NALF1: variants seen among roughly 807,000 people sequenced by gnomAD.
The protein encoded by NALF1 is family with sequence similarity 155 member A.
Under a neutral mutation model 48.4 loss-of-function variants are expected in NALF1, and 3 were observed. The ratio of observed to expected loss-of-function variants is 0.06; its 90% CI spans 0.03 to 0.16. The LOEUF is 0.16. NALF1 is among the 10% of genes least tolerant of loss of function. The pLI is 1.00. For missense variants in NALF1, 526 were observed against 571.5 expected, an observed-to-expected ratio of 0.92 and a Z score of 0.81; for synonymous variants, 262 against 245.7, an observed-to-expected ratio of 1.07 and a Z score of -0.62.
intron 1 of NALF1, among the ~76,000 whole-genome samples, chr13:107,266,812 G>C (rs1003550573): frequency 2.0e-5 from 3 of 152,174 alleles, no homozygotes; most frequent in Non-Finnish European, 4.4e-5. Flanking sequence ...CAATAATACT[G>C]CAAAGTTTTC....
intron 1 of NALF1, among the ~76,000 whole-genome samples, chr13:107,241,888 C>G (rs918569003): frequency 5.3e-5 from 8 of 152,146 alleles, no homozygotes; most frequent in Non-Finnish European, 1.0e-4. Flanking sequence ...AGTCCCCTTC[C>G]TCCTGGAAGA....
Position 107,322,748 on chromosome 13 carries a change from C to G in NALF1, c.916-111993G>C, listed in dbSNP as rs144704775. ...CATAACCATCCTTTGTCCACTCTTT[C>G]AAGTCCACAATTCTGTAAGGAAGGA... On this transcript the variant is annotated intron_variant, in intron 1 of 2. Coordinates refer to ENST00000375915, the MANE Select transcript of NALF1 (RefSeq NM_001080396.3). Among the ~76,000 whole-genome samples, 53 of 152,260 alleles carry G rather than the reference C, an allele frequency of 3.5e-4. 1 individual carries two copies. Among genetic ancestry groups the G allele is most frequent in the African/African-American group, 1.3e-3 (53 of 41,556 alleles).
intron 1 of NALF1, among the ~76,000 whole-genome samples, chr13:107,708,499 A>C (rs531044290): frequency 7.1e-6 from 1 of 140,208 alleles, no homozygotes; most frequent in East Asian, 2.1e-4. Context: ...TATATAAATA[A>C]TATTAATAAA....
At position 107,266,178 on chromosome 13, in the gene NALF1, C is replaced by G. The variant is rs115587926; in HGVS notation, c.916-55423G>C. On this transcript the variant is annotated intron_variant, in intron 1 of 2. Transcript: ENST00000375915. The stretch of plus-strand genomic sequence containing the variant: ...TGGTGAGAATCTCCTTCTTTCCATT[C>G]AGATAGCTTCCTTCTATCACACTGA... Among the ~76,000 whole-genome samples, 1,432 of 152,312 alleles carry G rather than the reference C, an allele frequency of 9.4e-3. 24 individuals are homozygous for G. Among genetic ancestry groups the G allele is most frequent in the African/African-American group, 0.033 (1,388 of 41,552 alleles).
At chr13:107,475,763 C>T (rs998447415) in intron 1 of NALF1, among the ~76,000 whole-genome samples, 1 of 152,058 alleles carries the variant, frequency 6.6e-6, no homozygotes, top group African/African-American at 2.4e-5. Context: ...AAAATGAACA[C>T]AATTAAATCA....
chr13:107,387,969 T>G (rs539372350), intron 1 of NALF1, among the ~76,000 whole-genome samples: 1 of 152,222 alleles, frequency 6.6e-6, no homozygotes, highest in African/African-American at 2.4e-5. Flanking sequence ...CAGTTGCCTG[T>G]CTATTGTACA....
At chr13:107,513,527 T>C (rs1416002320) in intron 1 of NALF1, among the ~76,000 whole-genome samples, 1 of 151,874 alleles carries the variant, frequency 6.6e-6, no homozygotes, top group Non-Finnish European at 1.5e-5. Flanking sequence ...CTGAGCTAAC[T>C]AAGGTTTATT....
At chr13:107,802,085 T>C (rs1878633272) in intron 1 of NALF1, among the ~76,000 whole-genome samples, 1 of 152,196 alleles carries the variant, frequency 6.6e-6, no homozygotes, top group South Asian at 2.1e-4. Context: ...AAAAATCCTA[T>C]TAACAAAAAG....
intron 1 of NALF1, among the ~76,000 whole-genome samples, chr13:107,767,920 G>A (rs1877459966): frequency 6.6e-6 from 1 of 152,148 alleles, no homozygotes; most frequent in Non-Finnish European, 1.5e-5. Context: ...AGAGATGTAT[G>A]AAGTAGAGAC....
rs149467125 is a variant in NALF1, at chr13:107,729,230, G to C, written c.915+136452C>G. Among the ~76,000 whole-genome samples, 987 of 152,188 alleles carry C rather than the reference G, an allele frequency of 6.5e-3. 6 individuals are homozygous for C. The highest frequency in any genetic ancestry group is 0.021 in the African/African-American group (857 of 41,518). On this transcript the variant is annotated intron_variant, in intron 1 of 2. Transcript: ENST00000375915. Reference sequence around the variant, plus strand: ...TATAAACAAACATAAAGAAGAATATGTGAAACAAGCAAAACAATGTCTGCA... The same window carrying C: ...TATAAACAAACATAAAGAAGAATATCTGAAACAAGCAAAACAATGTCTGCA...
intron 1 of NALF1, among the ~76,000 whole-genome samples, chr13:107,358,625 A>C (rs140136552): frequency 6.6e-6 from 1 of 152,168 alleles, no homozygotes; most frequent in Non-Finnish European, 1.5e-5. Context: ...AATAAAACAC[A>C]GTGTTGGAAA....
At chr13:107,659,008 T>C (rs552035781) in intron 1 of NALF1, among the ~76,000 whole-genome samples, 3 of 151,972 alleles carry the variant, frequency 2.0e-5, no homozygotes, top group African/African-American at 7.2e-5. Flanking sequence ...CTACTTCTAG[T>C]TACCCATGTG....
intron 1 of NALF1, among the ~76,000 whole-genome samples, chr13:107,492,495 T>C (rs1284662465): frequency 6.6e-6 from 1 of 152,176 alleles, no homozygotes; most frequent in Non-Finnish European, 1.5e-5. Context: ...ATTCCTTACA[T>C]TTCTCATTCT....
intron 1 of NALF1, among the ~76,000 whole-genome samples, chr13:107,771,711 C>T (rs535583363): frequency 6.6e-6 from 1 of 152,092 alleles, no homozygotes; most frequent in Admixed American, 6.6e-5. Context: ...TGAGAGTGTC[C>T]AGATATCCAG....
chr13:107,811,481 T>C lies in NALF1; in HGVS notation c.915+54201A>G, dbSNP rs558219001. Among the ~76,000 whole-genome samples the C allele has an allele frequency of 3.9e-5, 6 of 152,338 alleles. No homozygotes were observed. In the East Asian group the frequency reaches 1.2e-3, roughly 29 times the overall value. ...TACATTGATTGACATTCTATGTGTA[T>C]GTGGCATATGTATCCTCTTTATTAA... On this transcript the variant is annotated intron_variant, in intron 1 of 2. Coordinates refer to ENST00000375915, the MANE Select transcript of NALF1 (RefSeq NM_001080396.3).
chr13:107,559,663 G>C (rs1331226131), intron 1 of NALF1, among the ~76,000 whole-genome samples: 4 of 152,020 alleles, frequency 2.6e-5, no homozygotes. Flanking sequence ...CGCTGTCAAG[G>C]CCATGTAACG....
rs534831470 is a variant in NALF1, at chr13:107,824,397, C to T, written c.915+41285G>A. The stretch of plus-strand genomic sequence containing the variant: ...AAAAAACTATGAATAGATGAATTTC[C>T]CTAAAGCTATTTTCTCCCCTAATTT... On this transcript the variant is annotated intron_variant, in intron 1 of 2. Transcript: ENST00000375915. 8.5e-5 allele frequency among the ~76,000 whole-genome samples: 13 copies of T among 152,130 alleles called. No individual in the cohort carries two copies. In the South Asian group the frequency reaches 2.7e-3, roughly 32 times the overall value.
intron 1 of NALF1, among the ~76,000 whole-genome samples, chr13:107,500,003 A>G (rs2139077116): frequency 6.6e-6 from 1 of 152,280 alleles, no homozygotes; most frequent in South Asian, 2.1e-4. Flanking sequence ...TTATCATCCC[A>G]TCAAAACAGA....
intron 1 of NALF1, among the ~76,000 whole-genome samples, chr13:107,489,500 G>T (rs1044577302): frequency 1.3e-5 from 2 of 152,014 alleles, no homozygotes; most frequent in Non-Finnish European, 2.9e-5. Context: ...TGACAAACCA[G>T]ACAAAAACAA....
Sources: allele counts gnomAD v4.1 joint callset (sites outside exome capture counted in the v4.1 genomes callset), GRCh38; gene constraint gnomAD v4.1.1; transcripts MANE v1.5; gene names NCBI Gene and HGNC (gene_info 2026-07-23, HGNC 2026-07-21).